Variants in EEA1 observed in about 807,000 individuals in gnomAD.
The protein encoded by EEA1 is early endosome antigen 1, also known as early endosome antigen 1, 162kD.
EEA1 carries 111 observed loss-of-function variants against 209.2 expected under a neutral mutation model. The observed-to-expected ratio is 0.53, with a 90% confidence interval of 0.45 to 0.62. The LOEUF (loss-of-function observed/expected upper bound fraction) is 0.62. Ranked by LOEUF, EEA1 falls within the 20% of genes least tolerant of loss-of-function variation. EEA1 has a pLI of 0.00. For missense variants in EEA1, 1,343 were observed against 1,530.8 expected (o/e 0.88, Z 2.05); for synonymous variants, 536 against 540.6 (o/e 0.99, Z 0.12).
intron 1 of EEA1, among the ~76,000 whole-genome samples, chr12:92,893,522 A>G (rs964774560): frequency 1.3e-5 from 2 of 152,196 alleles, no homozygotes; most frequent in Non-Finnish European, 1.5e-5. Flanking sequence ...CATCACTACT[A>G]AATGTTCAAC....
At chr12:92,886,978 A>G (rs759103670) in intron 2 of EEA1, among the ~76,000 whole-genome samples, 15 of 146,272 alleles carry the variant, frequency 1.0e-4, no homozygotes, top group South Asian at 2.3e-4. Flanking sequence ...CAGCCTGGGC[A>G]ACAGAGCGGG....
At chr12:92,860,115 C>T (rs1020002126) in intron 3 of EEA1, among the ~76,000 whole-genome samples, 5 of 152,108 alleles carry the variant, frequency 3.3e-5, no homozygotes, top group African/African-American at 1.2e-4. Flanking sequence ...TTTAGTAAAC[C>T]AATCCTATGC....
chr12:92,888,273 T>C (rs1011079520), intron 2 of EEA1, among the ~76,000 whole-genome samples: 1 of 152,098 alleles, frequency 6.6e-6, no homozygotes, highest in Non-Finnish European at 1.5e-5. Context: ...AAATCCTAAA[T>C]GATGTTCTAT....
At chr12:92,802,755 C>T in intron 18 of EEA1, 21 bp from the exon 19 acceptor site, 2 of 1,474,174 alleles carry the variant, frequency 1.4e-6, no homozygotes, top group Non-Finnish European at 1.8e-6. Context: ...AAAAAACAAT[C>T]TTTTTAAATA....
Position 92,778,329 on chromosome 12 carries a change from T to A in EEA1, c.3655-150A>T. 5 of 648,692 alleles carry A rather than the reference T, an allele frequency of 7.7e-6. No individual in the cohort carries two copies. The South Asian group carries it at 9.9e-5, about 13-fold the overall frequency. 40.2% of individuals were successfully genotyped at this position (648,692 alleles called of 1,614,324 possible). A position where few individuals can be genotyped will look rare whatever the true frequency, so the allele number is the denominator to read the frequency against. On this transcript the variant is annotated intron_variant, in intron 25 of 28. Coordinates refer to ENST00000322349, the MANE Select transcript of EEA1 (RefSeq NM_003566.4). Reference sequence around the variant, plus strand: ...TTCATTACACATTAATAAAACTGATTCCACAAGCATCTATGTAATATGAAT... The same window carrying A: ...TTCATTACACATTAATAAAACTGATACCACAAGCATCTATGTAATATGAAT...
chr12:92,858,544 A>G (rs1877989259), intron 3 of EEA1: 4 of 779,304 alleles, frequency 5.1e-6, no homozygotes, highest in South Asian at 2.8e-5. Flanking sequence ...GCCTTTAACC[A>G]TTGTCTTAGC....
rs1480370482 is a variant in EEA1 at position 92,830,144 on chromosome 12, T to G, written c.1255-2083A>C. ...GCAAGAAATCTGCACTTTTACCCCC[T>G]AAATATATTTTTTAAATTTTTTCAA... On this transcript the variant is annotated intron_variant, in intron 11 of 28. Coordinates refer to ENST00000322349, the MANE Select transcript of EEA1 (RefSeq NM_003566.4). 3.3e-5 allele frequency among the ~76,000 whole-genome samples: 5 copies of G among 152,270 alleles called. No individual in the cohort carries two copies. In the South Asian group the frequency reaches 8.3e-4, roughly 25 times the overall value.
Position 92,781,957 on chromosome 12 carries a change from T to G in EEA1, c.3329A>C (p.Lys1110Thr), listed in dbSNP as rs772519089. The change falls in exon 23 of 29, where the codon AAA (lysine) becomes ACA (threonine). Residue 1110 changes from lysine to threonine, a missense_variant. Transcript: ENST00000322349. Reference sequence around the variant, plus strand: ...GTCAGAAACATGCAATACCTTTTCTTTCTGAATGTCTTGTAGTGCTTTACA... The same window carrying G: ...GTCAGAAACATGCAATACCTTTTCTGTCTGAATGTCTTGTAGTGCTTTACA... ...ERCKALQDIQ[K>T]EKSLKEKELV... 8.7e-6 allele frequency: 14 copies of G among 1,604,986 alleles called. No homozygotes were observed. The South Asian group carries it at 1.4e-4, about 17-fold the overall frequency.
intron 2 of EEA1, among the ~76,000 whole-genome samples, chr12:92,873,848 A>C (rs763650613): frequency 3.3e-5 from 5 of 152,342 alleles, no homozygotes; most frequent in Admixed American, 6.5e-5. Flanking sequence ...ACATTCAGTA[A>C]ATGTTAGCTA....
intron 15 of EEA1, among the ~76,000 whole-genome samples, chr12:92,813,402 A>G (rs1325028848): frequency 6.6e-6 from 1 of 152,212 alleles, no homozygotes; most frequent in Admixed American, 6.5e-5. Context: ...GTATTTTCAG[A>G]AGTGAGTATC....
At chr12:92,829,664 G>T (rs1413632221) in intron 11 of EEA1, among the ~76,000 whole-genome samples, 1 of 150,034 alleles carries the variant, frequency 6.7e-6, no homozygotes, top group African/African-American at 2.5e-5. Flanking sequence ...CTGAAGTCCC[G>T]GCTACTCAGG....
At position 92,877,104 on chromosome 12, in the gene EEA1, C is replaced by T. The variant is rs114172174; in HGVS notation, c.118-12117G>A. Reference sequence around the variant, plus strand: ...GATTACAGGCATGTGCTGTCATGTCCAGCTAAATTTTTTTTCTTTTTTCTT... The same window carrying T: ...GATTACAGGCATGTGCTGTCATGTCTAGCTAAATTTTTTTTCTTTTTTCTT... On this transcript the variant is annotated intron_variant, in intron 2 of 28. Coordinates refer to ENST00000322349, the MANE Select transcript of EEA1 (RefSeq NM_003566.4). Among the ~76,000 whole-genome samples the T allele has an allele frequency of 8.0e-3, 1,211 of 150,768 alleles. 24 individuals carry two copies. Among genetic ancestry groups the T allele is most frequent in the African/African-American group, 0.027 (1,116 of 41,266 alleles).
At chr12:92,807,465 G>C (rs1200262978) in intron 18 of EEA1, among the ~76,000 whole-genome samples, 2 of 152,102 alleles carry the variant, frequency 1.3e-5, no homozygotes, top group African/African-American at 4.8e-5. Context: ...GATATAAAAG[G>C]CCTATAGGTT....
Position 92,903,388 on chromosome 12 carries a change from G to A in EEA1, c.25-11667C>T, listed in dbSNP as rs1007628426. Among the ~76,000 whole-genome samples, 11 of 151,480 alleles carry A rather than the reference G, an allele frequency of 7.3e-5. No homozygotes were observed. In the East Asian group the frequency reaches 1.2e-3, roughly 16 times the overall value. On this transcript the variant is annotated intron_variant, in intron 1 of 28. Transcript: ENST00000322349. The stretch of plus-strand genomic sequence containing the variant: ...TGAGGCAGGCAGATCACCTGAGGTC[G>A]GGAGTTTGAGACCAGCCTGACCAAC...
intron 10 of EEA1, among the ~76,000 whole-genome samples, chr12:92,838,509 T>C (rs527340801): frequency 1.1e-4 from 17 of 152,222 alleles, no homozygotes; most frequent in Admixed American, 3.9e-4. Context: ...TTTGACAGGA[T>C]ATAAAAGGGG....
At chr12:92,897,541 G>T (rs945942594) in intron 1 of EEA1, among the ~76,000 whole-genome samples, 1 of 152,206 alleles carries the variant, frequency 6.6e-6, no homozygotes, top group African/African-American at 2.4e-5. Context: ...CTGCTGCTCA[G>T]GCCCACTCCC....
chr12:92,777,071 T>A, intron 27 of EEA1, 129 bp from the exon 28 acceptor site: 1 of 797,468 alleles, frequency 1.3e-6, no homozygotes, highest in Admixed American at 2.6e-5. Flanking sequence ...ATTTTAAAAA[T>A]CAGAAATACA....
intron 1 of EEA1, among the ~76,000 whole-genome samples, chr12:92,913,928 T>A (rs576403882): frequency 6.6e-6 from 1 of 152,304 alleles, no homozygotes; most frequent in Non-Finnish European, 1.5e-5. Flanking sequence ...CCCAAAGTGC[T>A]GGGAGCCATC....
In EEA1 at chr12:92,801,761, A is replaced by C. The variant is rs1488225764; in HGVS notation, c.2671-60T>G. On this transcript the variant is annotated intron_variant, in intron 19 of 28. Transcript: ENST00000322349. ...TATTTGTAATAACCTTAAGAAGTTT[A>C]GTTTATAACCTTAGTAAGATACACA... 4 of 1,204,908 alleles carry C rather than the reference A, an allele frequency of 3.3e-6. No individual in the cohort carries two copies. In the African/African-American group the frequency reaches 4.7e-5, roughly 14 times the overall value. 74.6% of individuals were successfully genotyped at this position (1,204,908 alleles called of 1,614,324 possible).
Sources: gnomAD v4.1 joint callset for allele counts (sites outside exome capture counted in the v4.1 genomes callset) on GRCh38, gnomAD v4.1.1 for gene constraint, MANE v1.5 for transcripts, NCBI Gene and HGNC (gene_info 2026-07-23, HGNC 2026-07-21) for gene names.